The following NOTCH2 variants were observed in gnomAD, a reference collection of about 807,000 sequenced individuals.
The protein encoded by NOTCH2 is notch receptor 2.
In NOTCH2, 29 loss-of-function variants were observed where a neutral mutation model predicts 235.8. That is an observed-to-expected ratio of 0.12 (90% CI 0.09 to 0.17). NOTCH2 has a LOEUF of 0.17. NOTCH2 is among the 10% of genes least tolerant of loss of function. NOTCH2 has a pLI of 1.00. For synonymous variants in NOTCH2, 1,086 were observed against 1,141.5 expected (o/e 0.95, Z 0.98); for missense variants, 2,285 against 3,150.2 (o/e 0.73, Z 6.57).
intron 2 of NOTCH2, among the ~76,000 whole-genome samples, chr1:120,027,023 C>T (rs1475921966): frequency 0.023 from 3,103 of 137,770 alleles, 84 homozygotes; most frequent in African/African-American, 0.08. Context: ...GCAATCTTGG[C>T]TCACTGCAAG....
At chr1:119,981,643 C>G (rs1276654762) in intron 5 of NOTCH2, among the ~76,000 whole-genome samples, 1 of 152,222 alleles carries the variant, frequency 6.6e-6, no homozygotes, top group Admixed American at 6.5e-5. Flanking sequence ...ACTATCCACT[C>G]GTCCTTGTTT....
chr1:119,959,630 A>G (rs1650860926), intron 11 of NOTCH2, 128 bp from the exon 12 acceptor site: 2 of 703,418 alleles, frequency 2.8e-6, no homozygotes. Flanking sequence ...AGAATAAAGC[A>G]GAAGTTCTCA....
rs587689012 is a variant in NOTCH2 at position 120,002,816 on chromosome 1, G to A, written c.415+2513C>T. On this transcript the variant is annotated intron_variant, in intron 3 of 33. Coordinates refer to ENST00000256646, the MANE Select transcript of NOTCH2 (RefSeq NM_024408.4). ...TAAGTATCGTTAACTTTATGTAAGA[G>A]TGTTTCAGCTGGGGACTGGTGTGTT... is the stretch of plus-strand genomic sequence containing the variant. Among the ~76,000 whole-genome samples, 12 of 145,604 alleles carry A rather than the reference G, an allele frequency of 8.2e-5. No homozygotes were observed. In the South Asian group the frequency reaches 1.6e-3, roughly 19 times the overall value.
In NOTCH2 at chr1:120,035,089, TA is replaced by T. The variant is rs1654256230; in HGVS notation, c.74-5103del. 9.9e-5 allele frequency among the ~76,000 whole-genome samples: 15 copies of T among 151,434 alleles called. No homozygotes were observed. The South Asian group carries it at 3.1e-3, about 32-fold the overall frequency. ...GTAAAAAGGTTTTTCTTTTCTTTCT[TA>T]TATAAGCTTATTCAAGTCATCCCTT... On this transcript the variant is annotated intron_variant, in intron 1 of 33. Transcript: ENST00000256646.
At chr1:119,996,963 T>C (rs1652482367) in intron 4 of NOTCH2, 34 bp downstream of exon 4, 1 of 1,599,066 alleles carries the variant, frequency 6.3e-7, no homozygotes, top group East Asian at 2.2e-5. Flanking sequence ...TAGGGGTTTG[T>C]CCCCTAATCC....
In NOTCH2 at chr1:119,921,728, C is replaced by T; in HGVS notation, c.5295G>A (p.Gln1765=). The change falls in exon 29 of 34, where the codon CAG becomes CAA. Residue 1765 remains glutamine (Q), a synonymous_variant. Coordinates refer to ENST00000256646, the MANE Select transcript of NOTCH2 (RefSeq NM_024408.4). ...GCCACCTCACCTTTACTTTCTTTGG[C>T]TGGGGCCCTTCATCATCGACCCAGT... ...SEHWVDDEGP[Q]PKKVKAEDEA... 4 of 1,614,140 alleles carry T rather than the reference C, an allele frequency of 2.5e-6. No individual in the cohort carries two copies. Among genetic ancestry groups the T allele is most frequent in the Non-Finnish European group, 3.4e-6 (4 of 1,179,944 alleles).
rs1649076823 is a variant in NOTCH2 at position 119,916,501 on chromosome 1, G to T, written c.6221C>A (p.Thr2074Asn). The change falls in exon 34 of 34, where the codon ACC becomes AAC. Residue 2074 changes from threonine to asparagine, a missense_variant. By Grantham distance (65) the Thr-to-Asn change is moderately conservative. This residue lies in a region of NOTCH2 where 504 missense variants were observed against 538.0 expected (regional missense o/e 0.94). Coordinates refer to ENST00000256646, the MANE Select transcript of NOTCH2 (RefSeq NM_024408.4). ...AGGTGAGAGAGCAGAAGTCAACACG[G>T]TGCCTGGAGGGCTTGGGGTCACATT... ...EYNVTPSPPGTVLTSALSPVI... is the reference protein window; with the variant it reads ...EYNVTPSPPGNVLTSALSPVI... The T allele has an allele frequency of 6.2e-7, 1 of 1,612,358 alleles. No homozygotes were observed. The highest frequency in any genetic ancestry group is 1.3e-5 in the African/African-American group (1 of 74,888).
At chr1:119,979,869 G>A (rs1453121589) in intron 5 of NOTCH2, among the ~76,000 whole-genome samples, 2 of 152,086 alleles carry the variant, frequency 1.3e-5, no homozygotes, top group Non-Finnish European at 2.9e-5. Context: ...TCGAGAGAAA[G>A]AAATCAATAA....
At chr1:119,938,520 A>G (rs994271715) in intron 19 of NOTCH2, among the ~76,000 whole-genome samples, 10 of 152,214 alleles carry the variant, frequency 6.6e-5, no homozygotes, top group African/African-American at 2.2e-4. Context: ...AATGTTTGCA[A>G]AGCAAAACCG....
chr1:120,000,111 G>A (rs77322059), intron 3 of NOTCH2, among the ~76,000 whole-genome samples: 4 of 152,048 alleles, frequency 2.6e-5, no homozygotes, highest in East Asian at 3.9e-4. Context: ...TGCTGCCTCT[G>A]CTTCTTCATC....
intron 11 of NOTCH2, among the ~76,000 whole-genome samples, chr1:119,960,026 AG>A (rs1466338839): frequency 6.6e-6 from 1 of 152,166 alleles, no homozygotes; most frequent in African/African-American, 2.4e-5. Flanking sequence ...AGTTGTCTCC[AG>A]GAAGAGCTAT....
intron 1 of NOTCH2, 198 bp downstream of exon 1, chr1:120,069,136 G>A (rs1553217773): frequency 1.3e-6 from 2 of 1,526,756 alleles, no homozygotes; most frequent in South Asian, 1.2e-5. Flanking sequence ...GAGGCGGCGG[G>A]GAACCCCGGC....
At chr1:120,025,405 C>T (rs1553209734) in intron 2 of NOTCH2, among the ~76,000 whole-genome samples, 2 of 152,148 alleles carry the variant, frequency 1.3e-5, no homozygotes, top group Non-Finnish European at 1.5e-5. Flanking sequence ...AGAAGGGTCA[C>T]ATCTTGGGAA....
intron 1 of NOTCH2, among the ~76,000 whole-genome samples, chr1:120,068,290 T>TTCAA (rs1299376827): frequency 3.3e-5 from 5 of 151,788 alleles, no homozygotes; most frequent in African/African-American, 1.2e-4. Context: ...TGAGTTCATA[T>TTCAA]AGCAGAGCTG....
In NOTCH2 at chr1:119,919,319, A is replaced by G; in HGVS notation, c.5774T>C (p.Val1925Ala). 6.2e-7 allele frequency: 1 copy of G among 1,611,574 alleles called. No individual in the cohort carries two copies. The highest frequency in any genetic ancestry group is 8.5e-7 in the Non-Finnish European group (1 of 1,179,960). Residue 1925 changes from valine to alanine, a missense_variant, in exon 31 of 34, where the codon GTC (valine) becomes GCC (alanine). Physicochemically the swap from Val to Ala is moderately conservative, Grantham distance 64. Transcript: ENST00000256646. Reference protein sequence around the residue: ...HAAVAADAQGVFQILIRNRVT... With the variant: ...HAAVAADAQGAFQILIRNRVT... ...TCTTCTCATGTTCTTTACCTGGAAG[A>G]CACCTTGGGCATCAGCTGCCACTGC...
intron 5 of NOTCH2, among the ~76,000 whole-genome samples, chr1:119,977,567 AAG>A (rs1264572943): frequency 6.6e-6 from 1 of 152,242 alleles, no homozygotes; most frequent in Non-Finnish European, 1.5e-5. Flanking sequence ...CTAGGGGAGA[AAG>A]AGCGGGTTTT....
rs1651139820 is a variant in NOTCH2, at chr1:119,966,441, T to A, written c.1502A>T (p.Asn501Ile). 6.2e-7 allele frequency: 1 copy of A among 1,613,852 alleles called. No individual in the cohort carries two copies. The highest frequency in any genetic ancestry group is 1.3e-5 in the African/African-American group (1 of 74,882). The change falls in exon 9 of 34, where the codon AAC becomes ATC. Residue 501 changes from asparagine (N) to isoleucine (I), a missense_variant. By Grantham distance (149) the Asn-to-Ile change is moderately radical. Coordinates refer to ENST00000256646, the MANE Select transcript of NOTCH2 (RefSeq NM_024408.4). ...CELEINECQSNPCVNNGQCVD... is the reference protein window; with the variant it reads ...CELEINECQSIPCVNNGQCVD... ...ACACTGCCCATTGTTCACACAAGGGTTGCTCTGACATTCATTTATTTCTAA... is the reference window on the plus strand; with the variant it reads ...ACACTGCCCATTGTTCACACAAGGGATGCTCTGACATTCATTTATTTCTAA...
intron 3 of NOTCH2, among the ~76,000 whole-genome samples, chr1:119,998,735 A>G (rs1256329019): frequency 3.2e-4 from 48 of 151,104 alleles, no homozygotes; most frequent in African/African-American, 1.1e-3. Flanking sequence ...ACACGTGCAC[A>G]ACATGCAGGT....
intron 11 of NOTCH2, 95 bp downstream of exon 11, chr1:119,963,479 G>A (rs1257402866): frequency 1.8e-6 from 2 of 1,118,596 alleles, no homozygotes; most frequent in Non-Finnish European, 2.7e-6. Context: ...TGTTTTTTAG[G>A]TATCTGAGCA....
Sources: gnomAD v4.1 joint callset for allele counts (sites outside exome capture counted in the v4.1 genomes callset) on GRCh38, gnomAD v4.1.1 for gene constraint, gnomAD v4.1.1 regional missense constraint, MANE v1.5 for transcripts, NCBI Gene and HGNC (gene_info 2026-07-23, HGNC 2026-07-21) for gene names.